PDE8B: variants seen among roughly 807,000 people sequenced by gnomAD.
PDE8B encodes high affinity cAMP-specific and IBMX-insensitive 3',5'-cyclic phosphodiesterase 8B.
PDE8B carries 26 observed loss-of-function variants against 101.3 expected under a neutral mutation model. That is an observed-to-expected ratio of 0.26 (90% confidence interval 0.19 to 0.36). PDE8B has a LOEUF of 0.36. Among genes scored for constraint, PDE8B ranks in the 10% least tolerant of loss-of-function variants. The pLI is 1.00. For synonymous variants in PDE8B, 424 were observed against 429.3 expected (o/e 0.99, Z 0.15); for missense variants, 810 against 1,163.1 (o/e 0.70, Z 4.42).
Position 77,427,360 on chromosome 5 carries a change from T to G in PDE8B, c.*806T>G, listed in dbSNP as rs113473526. 1 of 149,668 alleles carries G rather than the reference T, an allele frequency of 6.7e-6. No homozygotes were observed. The highest frequency in any genetic ancestry group is 2.5e-5 in the African/African-American group (1 of 40,378). 9.3% of individuals were successfully genotyped at this position (149,668 alleles called of 1,614,324 possible). A position where few individuals can be genotyped will look rare whatever the true frequency, so the allele number is the denominator to read the frequency against. On this transcript the variant is annotated 3_prime_UTR_variant, in exon 22 of 22. Transcript: ENST00000264917. The stretch of plus-strand genomic sequence containing the variant: ...ACGAGGCACTACACCAAGTATTATA[T>G]AAAAGCCATTAAATTTGAATGCCCT...
the PDE8B span, among the ~76,000 whole-genome samples, chr5:77,198,920 C>T: frequency 6.6e-6 from 1 of 152,068 alleles, no homozygotes; most frequent in Non-Finnish European, 1.5e-5. Context: ...TGCATTGTTT[C>T]TGGTTTTTGT....
At chr5:77,384,978 C>T (rs574161441) in intron 10 of PDE8B, among the ~76,000 whole-genome samples, 12 of 152,274 alleles carry the variant, frequency 7.9e-5, no homozygotes, top group African/African-American at 2.9e-4. Context: ...TGGGATGATG[C>T]TGGCCTCATA....
intron 20 of PDE8B, among the ~76,000 whole-genome samples, 156 bp from the exon 21 acceptor site, chr5:77,425,611 C>A (rs1797894796): frequency 6.6e-6 from 1 of 152,152 alleles, no homozygotes; most frequent in Non-Finnish European, 1.5e-5. Flanking sequence ...TGTAGCTCAG[C>A]TGACTTACGT....
At chr5:77,369,588 G>A (rs1008714834) in intron 10 of PDE8B, among the ~76,000 whole-genome samples, 31 of 152,182 alleles carry the variant, frequency 2.0e-4, no homozygotes, top group African/African-American at 6.3e-4. Context: ...ACAGGCCCTA[G>A]ACTGTCTTAA....
chr5:77,180,077 G>C, the PDE8B span, among the ~76,000 whole-genome samples: 16 of 152,166 alleles, frequency 1.1e-4, no homozygotes, highest in African/African-American at 3.6e-4. Flanking sequence ...ACCTGTAAAG[G>C]GGGTGTTGGG....
intron 1 of PDE8B, among the ~76,000 whole-genome samples, chr5:77,259,814 C>T (rs1760092263): frequency 2.0e-5 from 3 of 152,206 alleles, no homozygotes; most frequent in Admixed American, 2.0e-4. Context: ...ATCTTTATTT[C>T]AGCTTTCAGC....
the PDE8B span, among the ~76,000 whole-genome samples, chr5:77,133,127 G>C: frequency 6.6e-6 from 1 of 152,172 alleles, no homozygotes; most frequent in Non-Finnish European, 1.5e-5. Context: ...GACTTACTTT[G>C]GCTAGTGGGA....
chr5:77,354,578 GTC>G (rs1366578859), intron 10 of PDE8B, among the ~76,000 whole-genome samples: 5 of 152,208 alleles, frequency 3.3e-5, no homozygotes, highest in African/African-American at 1.2e-4. Context: ...GACACCTGGT[GTC>G]TCTTTCGAGA....
At chr5:77,279,295 G>A (rs1195449541) in intron 1 of PDE8B, among the ~76,000 whole-genome samples, 1 of 152,248 alleles carries the variant, frequency 6.6e-6, no homozygotes, top group East Asian at 1.9e-4. Flanking sequence ...AACAAAAGTT[G>A]CTATTCTTAA....
At chr5:77,095,765 T>G in the PDE8B span, among the ~76,000 whole-genome samples, 1 of 152,228 alleles carries the variant, frequency 6.6e-6, no homozygotes, top group South Asian at 2.1e-4. Flanking sequence ...CCATAAACTT[T>G]CTGTAAAGTA....
intron 14 of PDE8B, chr5:77,410,918 G>A (rs1181895367): frequency 2.6e-5 from 4 of 152,160 alleles, no homozygotes; most frequent in Non-Finnish European, 4.4e-5. Context: ...GTATACATGT[G>A]CCATGTTGGT....
intron 20 of PDE8B, among the ~76,000 whole-genome samples, chr5:77,425,348 G>A (rs190707022): frequency 2.0e-5 from 3 of 152,292 alleles, no homozygotes; most frequent in Non-Finnish European, 4.4e-5. Context: ...ATCATCTGAG[G>A]TCAGGAGTTC....
intron 1 of PDE8B, among the ~76,000 whole-genome samples, chr5:77,212,781 C>T (rs2149382751): frequency 6.6e-6 from 1 of 152,218 alleles, no homozygotes; most frequent in South Asian, 2.1e-4. Flanking sequence ...ACAAAGTTAG[C>T]TTTAGGAGCA....
chr5:77,095,952 G>T, the PDE8B span, among the ~76,000 whole-genome samples: 1 of 152,074 alleles, frequency 6.6e-6, no homozygotes, highest in Non-Finnish European at 1.5e-5. Context: ...CCAGCTTATT[G>T]GTGTGGAAAA....
chr5:77,305,794 G>A (rs1771069156), intron 1 of PDE8B, among the ~76,000 whole-genome samples: 1 of 152,216 alleles, frequency 6.6e-6, no homozygotes, highest in South Asian at 2.1e-4. Flanking sequence ...CAGGGCAGCA[G>A]ACAGAGTTGA....
chr5:77,318,049 C>T lies in PDE8B; in HGVS notation c.399+5996C>T, dbSNP rs796753745. Among the ~76,000 whole-genome samples the T allele has an allele frequency of 6.3e-5, 7 of 111,350 alleles. 1 individual carries two copies. The highest frequency in any genetic ancestry group is 2.8e-4 in the African/African-American group (7 of 24,724). 73.0% of individuals were successfully genotyped at this position (111,350 alleles called of 152,430 possible). ...CCAGCCTGGGCAACAGAGTGAGACT[C>T]CATCTCAAAAAAAAAAAAAAAAAAA... On this transcript the variant is annotated intron_variant, in intron 2 of 21. Coordinates refer to ENST00000264917, the MANE Select transcript of PDE8B (RefSeq NM_003719.5).
At chr5:77,272,999 C>T (rs111689143) in intron 1 of PDE8B, among the ~76,000 whole-genome samples, 23 of 152,236 alleles carry the variant, frequency 1.5e-4, no homozygotes, top group African/African-American at 3.4e-4. Flanking sequence ...AGTTACAAGA[C>T]GGAGGAGAAA....
In PDE8B at chr5:77,277,868, A is replaced by C. The variant is rs143088876; in HGVS notation, c.340-34126A>C. ...ACTTTGAAGAATGATTATTTTAATC[A>C]CTCTGGAAATACATTTCACAGTTCC... On this transcript the variant is annotated intron_variant, in intron 1 of 21. Transcript: ENST00000264917. Among the ~76,000 whole-genome samples, 105 of 152,352 alleles carry C rather than the reference A, an allele frequency of 6.9e-4. No individual in the cohort carries two copies. The East Asian group carries it at 0.012, about 18-fold the overall frequency.
chr5:77,290,421 G>A (rs1767033247), intron 1 of PDE8B: 1 of 1,429,006 alleles, frequency 7.0e-7, no homozygotes, highest in Non-Finnish European at 9.9e-7. Context: ...AATAGCAAGA[G>A]TCCGACAGGC....
Sources: gnomAD v4.1 joint callset for allele counts (sites outside exome capture counted in the v4.1 genomes callset) on GRCh38, gnomAD v4.1.1 for gene constraint, MANE v1.5 for transcripts, NCBI Gene and HGNC (gene_info 2026-07-23, HGNC 2026-07-21) for gene names.